The following COL21A1 variants were observed in gnomAD, a reference collection of about 807,000 sequenced individuals.
COL21A1 encodes collagen type XXI alpha 1 chain.
Under a neutral mutation model 137.9 loss-of-function variants are expected in COL21A1, and 149 were observed. The observed-to-expected ratio is 1.08, with a 90% CI of 0.95 to 1.24. The LOEUF is 1.24. Ranked by LOEUF, COL21A1 falls within the 50% of genes most tolerant of loss-of-function variation. The pLI, the probability that COL21A1 is intolerant of heterozygous loss-of-function variation, is 0.00. For synonymous variants in COL21A1, 456 were observed against 391.5 expected, an observed-to-expected ratio of 1.16 and a Z score of -1.95; for missense variants, 1,167 against 1,158.4, an observed-to-expected ratio of 1.01 and a Z score of -0.11.
intron 1 of COL21A1, among the ~76,000 whole-genome samples, chr6:56,196,777 A>ATTTAACAATATTAATATTGTTAAATTG (rs1390936701): frequency 1.9e-4 from 29 of 152,258 alleles, no homozygotes; most frequent in African/African-American, 6.5e-4. Context: ...AATTGGAGGA[A>ATTTAACAATATTAATATTGTTAAATTG]TTAATATTGT....
chr6:56,352,989 C>T (rs1335591769), intron 1 of COL21A1, among the ~76,000 whole-genome samples: 2 of 151,790 alleles, frequency 1.3e-5, no homozygotes, highest in South Asian at 2.1e-4. Flanking sequence ...TGCAGTGAGC[C>T]GAAATCGACC....
At chr6:56,338,699 G>T (rs1333089646) in intron 1 of COL21A1, among the ~76,000 whole-genome samples, 1 of 152,164 alleles carries the variant, frequency 6.6e-6, no homozygotes, top group Admixed American at 6.5e-5. Context: ...CATCTTAGGG[G>T]CTTCTCTAAT....
At chr6:56,263,181 G>A (rs1763320686) in intron 1 of COL21A1, among the ~76,000 whole-genome samples, 1 of 152,186 alleles carries the variant, frequency 6.6e-6, no homozygotes, top group Admixed American at 6.5e-5. Context: ...ATGCTTAATA[G>A]ATACTTGTTG....
At chr6:56,098,776 C>A (rs150259134) in intron 17 of COL21A1, among the ~76,000 whole-genome samples, 19,732 of 132,786 alleles carry the variant, frequency 0.15, 1,640 homozygotes, top group Middle Eastern at 0.23. Flanking sequence ...AGTGCAGTAG[C>A]GCGATCTTGG....
intron 16 of COL21A1, among the ~76,000 whole-genome samples, chr6:56,105,279 GT>G (rs1770788763): frequency 6.6e-6 from 1 of 152,026 alleles, no homozygotes; most frequent in African/African-American, 2.4e-5. Flanking sequence ...TCATAGATTT[GT>G]TTTTTAGGAA....
chr6:56,155,682 G>A (rs1775686836), intron 10 of COL21A1, among the ~76,000 whole-genome samples: 2 of 152,120 alleles, frequency 1.3e-5, no homozygotes, highest in Non-Finnish European at 2.9e-5. Flanking sequence ...TGCAGCCTCC[G>A]CCTCTCGTGT....
rs1172353167 is a variant in COL21A1, at chr6:56,098,372, T to A, written c.1812+3100A>T. On this transcript the variant is annotated intron_variant, in intron 17 of 29. Coordinates refer to ENST00000244728, the MANE Select transcript of COL21A1 (RefSeq NM_030820.4). ...ATATAAATATATATATGAATATATA[T>A]AAATATATATAAATATATAAATATA... Among the ~76,000 whole-genome samples, 17 of 43,420 alleles carry A rather than the reference T, an allele frequency of 3.9e-4. 2 individuals are homozygous for A. The highest frequency in any genetic ancestry group is 1.3e-3 in the East Asian group (2 of 1,546). The allele number at this position is 43,420 out of a possible 152,430, so 28.5% of individuals were successfully genotyped here.
intron 1 of COL21A1, chr6:56,276,817 T>TG (rs1360330873): frequency 2.1e-5 from 17 of 809,522 alleles, no homozygotes; most frequent in Admixed American, 1.8e-4. Context: ...GTTTTTTTTG[T>TG]TTTTTTTTTG....
intron 1 of COL21A1, among the ~76,000 whole-genome samples, chr6:56,197,826 A>C (rs981718101): frequency 6.6e-6 from 1 of 152,142 alleles, no homozygotes; most frequent in Admixed American, 6.5e-5. Context: ...TAGAACTACT[A>C]TATGAACCAG....
At chr6:56,288,898 C>T (rs1344120338) in intron 1 of COL21A1, among the ~76,000 whole-genome samples, 1 of 152,178 alleles carries the variant, frequency 6.6e-6, no homozygotes, top group Non-Finnish European at 1.5e-5. Context: ...GTCTGTGCCC[C>T]TGTAAATTAC....
chr6:56,082,624 T>C (rs1175354938), intron 17 of COL21A1, among the ~76,000 whole-genome samples: 2 of 151,692 alleles, frequency 1.3e-5, no homozygotes, highest in Non-Finnish European at 2.9e-5. Context: ...AAATAGAAGT[T>C]AAATCTTTTC....
At chr6:56,366,581 T>C (rs900926131) in intron 1 of COL21A1, among the ~76,000 whole-genome samples, 4 of 152,208 alleles carry the variant, frequency 2.6e-5, no homozygotes, top group Admixed American at 6.5e-5. Context: ...TCTCTTCTCT[T>C]GCAAGCAATA....
intron 1 of COL21A1, among the ~76,000 whole-genome samples, chr6:56,351,119 C>G (rs1765702079): frequency 6.6e-6 from 1 of 152,214 alleles, no homozygotes; most frequent in East Asian, 1.9e-4. Context: ...CTAGCAAGGA[C>G]TCTAGGCTCT....
chr6:56,344,167 G>A (rs529406881), intron 1 of COL21A1, among the ~76,000 whole-genome samples: 5 of 151,910 alleles, frequency 3.3e-5, no homozygotes, highest in African/African-American at 7.2e-5. Flanking sequence ...TCCTATAATC[G>A]CTAACATAAA....
intron 1 of COL21A1, among the ~76,000 whole-genome samples, chr6:56,199,516 G>A (rs570354144): frequency 6.6e-6 from 1 of 152,060 alleles, no homozygotes; most frequent in East Asian, 1.9e-4. Context: ...GTTTTCTAAT[G>A]CTTAGAAAAA....
intron 1 of COL21A1, among the ~76,000 whole-genome samples, chr6:56,269,296 G>A (rs1035528192): frequency 6.6e-6 from 1 of 152,078 alleles, no homozygotes; most frequent in African/African-American, 2.4e-5. Context: ...CTGTCCCCAA[G>A]ACACATAGTC....
At chr6:56,277,053 C>T (rs1320105227) in intron 1 of COL21A1, among the ~76,000 whole-genome samples, 1 of 151,900 alleles carries the variant, frequency 6.6e-6, no homozygotes, top group Non-Finnish European at 1.5e-5. Context: ...ATCTCCTGAC[C>T]TCATGATCCG....
At chr6:56,203,350 G>A (rs1779531494) in intron 1 of COL21A1, among the ~76,000 whole-genome samples, 1 of 152,152 alleles carries the variant, frequency 6.6e-6, no homozygotes, top group South Asian at 2.1e-4. Flanking sequence ...AAATGGCATA[G>A]ACAAAAGAGG....
intron 1 of COL21A1, among the ~76,000 whole-genome samples, chr6:56,207,454 T>C (rs1019095152): frequency 2.6e-5 from 4 of 152,146 alleles, no homozygotes; most frequent in Admixed American, 6.5e-5. Context: ...GATAAATACC[T>C]GGCCACTAAC....
Sources: allele counts gnomAD v4.1 joint callset (sites outside exome capture counted in the v4.1 genomes callset), GRCh38; gene constraint gnomAD v4.1.1; transcripts MANE v1.5; gene names NCBI Gene and HGNC (gene_info 2026-07-23, HGNC 2026-07-21).